Variants in EXOC3L2 observed in about 807,000 individuals in gnomAD.
The protein encoded by EXOC3L2 is exocyst complex component 3-like protein 2.
Under a neutral mutation model 44.4 loss-of-function variants are expected in EXOC3L2, and 17 were observed. The observed-to-expected ratio is 0.38, with a 90% CI of 0.26 to 0.57. The LOEUF (loss-of-function observed/expected upper bound fraction) is 0.57. EXOC3L2 is among the 20% of genes least tolerant of loss of function. The pLI, the probability that EXOC3L2 is intolerant of heterozygous loss-of-function variation, is 0.65. For missense variants in EXOC3L2, 541 were observed against 588.4 expected, an observed-to-expected ratio of 0.92 and a Z score of 0.83; for synonymous variants, 256 against 253.7, an observed-to-expected ratio of 1.01 and a Z score of -0.09.
intron 4 of EXOC3L2, among the ~76,000 whole-genome samples, chr19:45,229,581 T>C (rs346771): frequency 0.23 from 34,254 of 148,572 alleles, 7,069 homozygotes; most frequent in African/African-American, 0.55. Flanking sequence ...TGCGGTGGCT[T>C]ATGCCTGTAA....
Position 45,228,156 on chromosome 19 carries a change from A to T in EXOC3L2, c.1371+9T>A. On this transcript the variant is annotated intron_variant, in intron 5 of 11. Transcript: ENST00000413988. ...CCAGCCCATCCCCCAGCCTCCCTCC[A>T]CCTCCTACCTCACACACATCCTGGG... 6.2e-7 allele frequency: 1 copy of T among 1,613,200 alleles called. No homozygotes were observed. The highest frequency in any genetic ancestry group is 8.5e-7 in the Non-Finnish European group (1 of 1,179,734).
chr19:45,214,894 G>A (rs910107938), intron 11 of EXOC3L2, among the ~76,000 whole-genome samples: 4 of 151,864 alleles, frequency 2.6e-5, no homozygotes, highest in Non-Finnish European at 4.4e-5. Flanking sequence ...AGTGGCTCAC[G>A]CCTGTAATCT....
intron 8 of EXOC3L2, among the ~76,000 whole-genome samples, chr19:45,222,809 G>C (rs1218763209): frequency 6.6e-6 from 1 of 152,196 alleles, no homozygotes; most frequent in Non-Finnish European, 1.5e-5. Context: ...AATGGGCTTT[G>C]CCACTTGCTG....
chr19:45,238,943 G>T lies in EXOC3L2; in HGVS notation c.103C>A (p.Leu35Met), dbSNP rs976169628. 5.0e-6 allele frequency: 2 copies of T among 399,086 alleles called. No homozygotes were observed. Among genetic ancestry groups the T allele is most frequent in the African/African-American group, 4.1e-5 (2 of 48,642 alleles). The allele number at this position is 399,086 out of a possible 1,614,324, so 24.7% of individuals were successfully genotyped here. The change falls in exon 2 of 12, where the codon CTG becomes ATG. Residue 35 changes from leucine (L) to methionine (M), a missense_variant. Coordinates refer to ENST00000413988, the MANE Select transcript of EXOC3L2 (RefSeq NM_001382422.1). The surrounding 1 kb of genome is among the most constrained non-coding windows in gnomAD (Gnocchi z 5.5). Reference protein sequence around the residue: ...SRNPFEEVSGLEEEEAGELGS... With the variant: ...SRNPFEEVSGMEEEEAGELGS... ...AGCTCCCCGGCCTCTTCTTCCTCCA[G>T]CCCTGAAACTTCTTCAAAGGGGTTC...
At chr19:45,227,481 C>A (rs148322465) in intron 7 of EXOC3L2, among the ~76,000 whole-genome samples, 181 bp downstream of exon 7, 3 of 152,098 alleles carry the variant, frequency 2.0e-5, no homozygotes. Context: ...TCGAACACTC[C>A]AATATTCGGA....
intron 8 of EXOC3L2, among the ~76,000 whole-genome samples, chr19:45,220,202 C>G (rs750309208): frequency 6.6e-6 from 1 of 151,912 alleles, no homozygotes; most frequent in Non-Finnish European, 1.5e-5. Flanking sequence ...TAATTAAGGG[C>G]TGGGCACAGT....
rs775124818 is a variant in EXOC3L2 at position 45,228,242 on chromosome 19, G to C, written c.1294C>G (p.Arg432Gly). ...VKAQTRAALL[R>G]VLQEDEEHWG... is the part of the protein sequence containing the mutation. ...TGCTCTTCGTCCTCCTGCAGCACAC[G>C]GAGAAGGGCAGCCCGGGTCTGAGCC... is the stretch of plus-strand genomic sequence containing the variant. Residue 432 changes from arginine to glycine, a missense_variant, in exon 5 of 12, where the codon CGT becomes GGT. Arg to Gly is a moderately radical substitution (Grantham distance 125, BLOSUM62 -2). Transcript: ENST00000413988. 3.1e-6 allele frequency: 5 copies of C among 1,614,064 alleles called. No individual in the cohort carries two copies. Among genetic ancestry groups the C allele is most frequent in the Non-Finnish European group, 4.2e-6 (5 of 1,180,020 alleles).
chr19:45,223,549 G>A (rs1407524450), intron 8 of EXOC3L2, among the ~76,000 whole-genome samples: 1 of 151,360 alleles, frequency 6.6e-6, no homozygotes, highest in Non-Finnish European at 1.5e-5. Context: ...TGCCATATTG[G>A]CCAGGCTGGT....
At chr19:45,242,056 G>A (rs747435791) in intron 1 of EXOC3L2, among the ~76,000 whole-genome samples, 2 of 152,206 alleles carry the variant, frequency 1.3e-5, no homozygotes, top group Non-Finnish European at 2.9e-5. Context: ...GAGGTCACTA[G>A]GGAGCAGGCC....
intron 8 of EXOC3L2, among the ~76,000 whole-genome samples, chr19:45,219,135 C>T (rs969854088): frequency 3.3e-5 from 5 of 151,914 alleles, no homozygotes; most frequent in Non-Finnish European, 5.9e-5. Context: ...ATTGCTTGAA[C>T]CTAGGAGGTG....
At chr19:45,214,882 G>T (rs997957651) in intron 11 of EXOC3L2, among the ~76,000 whole-genome samples, 3 of 152,020 alleles carry the variant, frequency 2.0e-5, no homozygotes, top group African/African-American at 7.2e-5. Context: ...TAGGCCAAGC[G>T]CAGTGGCTCA....
At chr19:45,219,393 C>CAATAAAAAAAAAAAAAA (rs1969873197) in intron 8 of EXOC3L2, among the ~76,000 whole-genome samples, 1 of 51,546 alleles carries the variant, frequency 1.9e-5, no homozygotes, top group Non-Finnish European at 3.8e-5. Context: ...GGCCCCGTCT[C>CAATAAAAAAAAAAAAAA]AAAAAAAAAA....
In EXOC3L2 at chr19:45,213,307, G is replaced by T; in HGVS notation, c.2171C>A (p.Ala724Asp). Reference protein sequence around the residue: ...LLDIRGLRNTAARQEILAVAR... With the variant: ...LLDIRGLRNTDARQEILAVAR... ...CACGGCCAGGATCTCCTGGCGGGCGGCTGTGTTGCGCAGGCCACGGATGTC... is the reference window on the plus strand; with the variant it reads ...CACGGCCAGGATCTCCTGGCGGGCGTCTGTGTTGCGCAGGCCACGGATGTC... Residue 724 changes from alanine to aspartate, a missense_variant, in exon 12 of 12, where the codon GCC (alanine) becomes GAC (aspartate). Ala to Asp is a moderately radical substitution (Grantham distance 126). Transcript: ENST00000413988. 6.2e-7 allele frequency: 1 copy of T among 1,613,738 alleles called. No individual in the cohort carries two copies. The highest frequency in any genetic ancestry group is 8.5e-7 in the Non-Finnish European group (1 of 1,179,866).
intron 1 of EXOC3L2, among the ~76,000 whole-genome samples, 195 bp from the exon 2 acceptor site, chr19:45,239,256 C>T (rs1463731625): frequency 2.9e-5 from 4 of 137,478 alleles, no homozygotes; most frequent in Admixed American, 7.7e-5. Flanking sequence ...CTCGCTCTGT[C>T]GCCCAGGCTG....
chr19:45,225,182 A>AG (rs72123962), intron 7 of EXOC3L2, among the ~76,000 whole-genome samples: 4 of 84,202 alleles, frequency 4.8e-5, no homozygotes, highest in Admixed American at 1.2e-4. Flanking sequence ...GGGGGAGGGA[A>AG]GGGGGGTCTC....
At chr19:45,239,152 C>T (rs1024296162) in intron 1 of EXOC3L2, 91 bp from the exon 2 acceptor site, 5 of 396,146 alleles carry the variant, frequency 1.3e-5, no homozygotes, top group African/African-American at 6.2e-5. Context: ...TTGGGGTGAG[C>T]GTACCAGACA....
chr19:45,225,728 G>C (rs1055987316), intron 7 of EXOC3L2, among the ~76,000 whole-genome samples: 2 of 149,694 alleles, frequency 1.3e-5, no homozygotes, highest in African/African-American at 4.9e-5. Context: ...GTTCAAGTGA[G>C]TCTCCTGCCT....
chr19:45,217,731 G>A (rs760505176), intron 9 of EXOC3L2, 48 bp from the exon 10 acceptor site: 120 of 1,382,340 alleles, frequency 8.7e-5, no homozygotes, highest in Non-Finnish European at 1.1e-4. Flanking sequence ...ATGCCCCACG[G>A]ACTCCCATCC....
chr19:45,241,261 C>T (rs931376477), intron 1 of EXOC3L2, among the ~76,000 whole-genome samples: 6 of 152,028 alleles, frequency 3.9e-5, no homozygotes, highest in African/African-American at 1.2e-4. Flanking sequence ...GAGGCCGAGG[C>T]GGGCGGATCA....
Sources: gnomAD v4.1 joint callset for allele counts (sites outside exome capture counted in the v4.1 genomes callset) on GRCh38, gnomAD v4.1.1 for gene constraint, Gnocchi (gnomAD v3.1) non-coding constraint, MANE v1.5 for transcripts, NCBI Gene and HGNC (gene_info 2026-07-23, HGNC 2026-07-21) for gene names.